The following CDC14A variants were observed in gnomAD, a reference collection of about 807,000 sequenced individuals.
CDC14A encodes dual specificity protein phosphatase CDC14A.
A neutral mutation model predicts 74.4 loss-of-function variants in CDC14A; 53 were observed. That is an observed-to-expected ratio of 0.71 (90% CI 0.57 to 0.89). The LOEUF is 0.89. CDC14A is among the 40% of genes least tolerant of loss of function. CDC14A has a pLI of 0.00. For missense variants in CDC14A, 646 were observed against 713.7 expected, an observed-to-expected ratio of 0.91 and a Z score of 1.08; for synonymous variants, 247 against 258.4, an observed-to-expected ratio of 0.96 and a Z score of 0.43.
intron 2 of CDC14A, among the ~76,000 whole-genome samples, chr1:100,363,972 A>G (rs1362882041): frequency 1.3e-5 from 2 of 152,102 alleles, no homozygotes; most frequent in African/African-American, 4.8e-5. Flanking sequence ...TCTACAAAAA[A>G]TACAAAAATT....
At chr1:100,433,095 GTC>G (rs1663912548) in intron 5 of CDC14A, among the ~76,000 whole-genome samples, 1 of 151,356 alleles carries the variant, frequency 6.6e-6, no homozygotes, top group African/African-American at 2.4e-5. Flanking sequence ...GTCCAGGCTA[GTC>G]TCAAACTACT....
At chr1:100,513,154 C>T (rs1041877011) in intron 15 of CDC14A, among the ~76,000 whole-genome samples, 3 of 152,106 alleles carry the variant, frequency 2.0e-5, no homozygotes, top group African/African-American at 7.2e-5. Flanking sequence ...AATACAAAAA[C>T]TGGAAACTCT....
intron 5 of CDC14A, among the ~76,000 whole-genome samples, chr1:100,427,825 G>C (rs971127954): frequency 1.6e-4 from 24 of 152,190 alleles, no homozygotes; most frequent in African/African-American, 5.3e-4. Context: ...GTGTAAAACA[G>C]TTACAGTGCT....
chr1:100,354,205 G>C (rs144258575), intron 2 of CDC14A, among the ~76,000 whole-genome samples: 1 of 152,264 alleles, frequency 6.6e-6, no homozygotes, highest in Admixed American at 6.5e-5. Context: ...TTATGGAGTG[G>C]CCATAGGGTA....
chr1:100,506,991 T>C (rs997613635), intron 15 of CDC14A, among the ~76,000 whole-genome samples: 1 of 152,176 alleles, frequency 6.6e-6, no homozygotes, highest in Non-Finnish European at 1.5e-5. Flanking sequence ...GCCTAGGCAA[T>C]ACAGAGAGAA....
chr1:100,454,622 A>G (rs1666494788), intron 7 of CDC14A, among the ~76,000 whole-genome samples: 1 of 152,200 alleles, frequency 6.6e-6, no homozygotes, highest in Admixed American at 6.5e-5. Context: ...CTAGAGGCTG[A>G]TAACTGGTGC....
intron 10 of CDC14A, among the ~76,000 whole-genome samples, chr1:100,483,424 T>C (rs1178111025): frequency 6.6e-6 from 1 of 152,216 alleles, no homozygotes; most frequent in East Asian, 1.9e-4. Flanking sequence ...AAAATATCTA[T>C]GTTCTTACTG....
intron 15 of CDC14A, among the ~76,000 whole-genome samples, chr1:100,515,899 T>A (rs1032102398): frequency 9.9e-5 from 15 of 152,236 alleles, no homozygotes; most frequent in Non-Finnish European, 2.1e-4. Flanking sequence ...ATACAACTTA[T>A]GTTCAGTAAT....
chr1:100,387,645 A>T (rs1426088854), intron 3 of CDC14A, among the ~76,000 whole-genome samples: 1 of 152,222 alleles, frequency 6.6e-6, no homozygotes, highest in Non-Finnish European at 1.5e-5. Context: ...ATGAAAGCTT[A>T]TAAAGTTTAA....
intron 4 of CDC14A, among the ~76,000 whole-genome samples, chr1:100,397,912 C>A (rs17122392): frequency 0.065 from 9,950 of 152,172 alleles, 669 homozygotes; most frequent in African/African-American, 0.17. Flanking sequence ...TTGTAGACTA[C>A]ACTTAAGACC....
chr1:100,504,711 C>A, intron 15 of CDC14A: 1 of 820,822 alleles, frequency 1.2e-6, no homozygotes, highest in Non-Finnish European at 2.0e-6. Flanking sequence ...TAAATACTGA[C>A]TTTCTTTGTT....
intron 10 of CDC14A, chr1:100,481,005 A>G (rs999474784): frequency 2.0e-5 from 3 of 152,234 alleles, no homozygotes; most frequent in African/African-American, 7.2e-5. Context: ...GCATTTGAAG[A>G]ACTCCTTGAA....
At chr1:100,472,879 T>C (rs901765700) in intron 10 of CDC14A, among the ~76,000 whole-genome samples, 7 of 152,112 alleles carry the variant, frequency 4.6e-5, no homozygotes, top group African/African-American at 1.7e-4. Flanking sequence ...TGGATATATT[T>C]GTGTTGATCT....
chr1:100,436,114 A>G (rs1664308165), intron 5 of CDC14A, among the ~76,000 whole-genome samples: 1 of 152,122 alleles, frequency 6.6e-6, no homozygotes. Flanking sequence ...CCTGACCTCC[A>G]TTTCATGTTA....
At chr1:100,424,335 T>G (rs757226625) in intron 5 of CDC14A, 34 bp downstream of exon 5, 9 of 1,484,318 alleles carry the variant, frequency 6.1e-6, no homozygotes, top group Non-Finnish European at 8.5e-6. Flanking sequence ...GTTAAACTTT[T>G]GCTACAGAGC....
chr1:100,394,088 A>G, intron 4 of CDC14A: 1 of 210,682 alleles, frequency 4.7e-6, no homozygotes, highest in Non-Finnish European at 9.2e-6. Flanking sequence ...CCTCCCTTGC[A>G]TCTTCTCTCT....
At chr1:100,499,686 T>G (rs974393399) in intron 15 of CDC14A, among the ~76,000 whole-genome samples, 15 of 152,166 alleles carry the variant, frequency 9.9e-5, no homozygotes, top group Non-Finnish European at 1.5e-5. Flanking sequence ...AATTATGGCT[T>G]TTTCCGCATC....
intron 5 of CDC14A, among the ~76,000 whole-genome samples, chr1:100,429,206 A>AAAGTAAATAAATAAATAAATAAAT (rs1663318468): frequency 8.8e-6 from 1 of 113,418 alleles, no homozygotes; most frequent in South Asian, 2.4e-4. Context: ...TCCATCTCAA[A>AAAGTAAATAAATAAATAAATAAAT]AAATAAATAA....
intron 10 of CDC14A, among the ~76,000 whole-genome samples, chr1:100,470,609 TATAA>T (rs1459095232): frequency 6.6e-6 from 1 of 152,094 alleles, no homozygotes; most frequent in Non-Finnish European, 1.5e-5. Flanking sequence ...TATTAAAAAG[TATAA>T]ATAAGCAATT....
Sources: gnomAD v4.1 joint callset for allele counts (sites outside exome capture counted in the v4.1 genomes callset) on GRCh38, gnomAD v4.1.1 for gene constraint, MANE v1.5 for transcripts, NCBI Gene and HGNC (gene_info 2026-07-23, HGNC 2026-07-21) for gene names.